GPA33: variants seen among roughly 807,000 people sequenced by gnomAD.
GPA33 encodes the protein glycoprotein A33.
In GPA33, 27 loss-of-function variants were observed where a neutral mutation model predicts 35.6. The observed-to-expected ratio is 0.76, with a 90% CI of 0.56 to 1.04. The LOEUF is 1.04. Ranked by LOEUF, GPA33 falls within the 50% of genes least tolerant of loss-of-function variation. The pLI is 0.00. For synonymous variants in GPA33, 176 were observed against 164.0 expected, an observed-to-expected ratio of 1.07 and a Z score of -0.56; for missense variants, 428 against 411.9, an observed-to-expected ratio of 1.04 and a Z score of -0.34.
chr1:167,082,736 G>A (rs570021258), intron 1 of GPA33, among the ~76,000 whole-genome samples: 17 of 152,308 alleles, frequency 1.1e-4, no homozygotes, highest in African/African-American at 3.6e-4. Context: ...ACAGATATAC[G>A]TTTTATGCTC....
intron 2 of GPA33, among the ~76,000 whole-genome samples, chr1:167,072,768 G>T (rs944480502): frequency 1.3e-5 from 2 of 152,042 alleles, no homozygotes; most frequent in African/African-American, 2.4e-5. Context: ...ATGCAAAACA[G>T]TATGTGTGTA....
intron 2 of GPA33, 32 bp downstream of exon 2, chr1:167,073,353 C>A (rs12139875): frequency 1.3e-6 from 2 of 1,591,158 alleles, no homozygotes; most frequent in East Asian, 4.5e-5. Context: ...ATAATCATTC[C>A]CATGTTGCCT....
At chr1:167,056,271 T>C (rs931327327) in intron 4 of GPA33, among the ~76,000 whole-genome samples, 2 of 152,212 alleles carry the variant, frequency 1.3e-5, no homozygotes, top group African/African-American at 4.8e-5. Context: ...ACATTATGTA[T>C]TACATGAAAA....
rs759768736 is a variant in GPA33 at position 167,073,429 on chromosome 1, G to A, written c.154C>T (p.Arg52Ter). ...PCTYHTSTSS[R>*]EGLIQWDKLL... ...TTATCCCATTGAATAAGTCCCTCTC[G>A]ACTGGAGGTGGAAGTGTGGTAGGTG... Residue 52 changes from arginine (R) to a stop codon, truncating the protein, a stop_gained, in exon 2 of 7, where the codon CGA becomes TGA. Transcript: ENST00000367868. LOFTEE classifies it high-confidence loss of function. 1.3e-5 allele frequency: 21 copies of A among 1,613,324 alleles called. No individual in the cohort carries two copies. Among genetic ancestry groups the A allele is most frequent in the African/African-American group, 5.3e-5 (4 of 74,790 alleles).
At chr1:167,082,664 C>G (rs1202486492) in intron 1 of GPA33, among the ~76,000 whole-genome samples, 1 of 152,202 alleles carries the variant, frequency 6.6e-6, no homozygotes, top group South Asian at 2.1e-4. Context: ...CAAGTGTCAC[C>G]TGTTCCCCAA....
chr1:167,084,289 T>C (rs1667011006), intron 1 of GPA33, among the ~76,000 whole-genome samples: 1 of 152,044 alleles, frequency 6.6e-6, no homozygotes, highest in Non-Finnish European at 1.5e-5. Context: ...AGAGGCAGTG[T>C]GGAGCATGAG....
intron 2 of GPA33, among the ~76,000 whole-genome samples, chr1:167,072,639 T>A (rs866067332): frequency 1.3e-5 from 2 of 152,188 alleles, no homozygotes; most frequent in South Asian, 2.1e-4. Flanking sequence ...ACATACCAAA[T>A]GTCCATTCAT....
chr1:167,056,732 A>AG (rs1666291967), intron 4 of GPA33, among the ~76,000 whole-genome samples: 1 of 6,028 alleles, frequency 1.7e-4, no homozygotes, highest in Non-Finnish European at 3.2e-4. Context: ...TGTGTGATGT[A>AG]TGTGGTGTGT....
chr1:167,063,395 G>A (rs112016536), intron 4 of GPA33, among the ~76,000 whole-genome samples, 187 bp downstream of exon 4: 18 of 152,318 alleles, frequency 1.2e-4, no homozygotes, highest in Middle Eastern at 3.4e-3. Context: ...GGGCCACCTG[G>A]CGAGACTCTG....
chr1:167,063,315 A>G (rs1666504842), intron 4 of GPA33, among the ~76,000 whole-genome samples: 2 of 152,206 alleles, frequency 1.3e-5, no homozygotes, highest in South Asian at 2.1e-4. Flanking sequence ...AGGCTGAGGC[A>G]GAAGAATCGC....
intron 1 of GPA33, among the ~76,000 whole-genome samples, chr1:167,088,707 G>T (rs188885859): frequency 1.2e-3 from 190 of 152,278 alleles, no homozygotes; most frequent in African/African-American, 4.4e-3. Flanking sequence ...TTTTAAGATC[G>T]TTTTTCTAAG....
chr1:167,054,181 C>T lies in GPA33; in HGVS notation c.*153G>A. 5 of 999,288 alleles carry T rather than the reference C, an allele frequency of 5.0e-6. No homozygotes were observed. The highest frequency in any genetic ancestry group is 7.4e-6 in the Non-Finnish European group (5 of 676,324). The allele number at this position is 999,288 out of a possible 1,614,324, so 61.9% of individuals were successfully genotyped here. A position where few individuals can be genotyped will look rare whatever the true frequency, so the allele number is the denominator to read the frequency against. On this transcript the variant is annotated 3_prime_UTR_variant, in exon 7 of 7. Coordinates refer to ENST00000367868, the MANE Select transcript of GPA33 (RefSeq NM_005814.3). ...ACAGGGACCCCCTTACCAGGCCAGC[C>T]ATGTTCCCCACAGCTGACACTGGGG...
intron 2 of GPA33, among the ~76,000 whole-genome samples, chr1:167,071,599 G>C (rs1014305971): frequency 6.6e-6 from 1 of 152,190 alleles, no homozygotes; most frequent in African/African-American, 2.4e-5. Flanking sequence ...ACAAGCGAGG[G>C]AGAAACAAGA....
Position 167,054,232 on chromosome 1 carries a change from G to T in GPA33, c.*102C>A. ...AAGAAATGTCCCCATCAATGTCTGG[G>T]ATGGAGGGACAGGAGAACAGGGCTT... On this transcript the variant is annotated 3_prime_UTR_variant, in exon 7 of 7. Transcript: ENST00000367868. 7.0e-7 allele frequency: 1 copy of T among 1,422,354 alleles called. No individual in the cohort carries two copies. Among genetic ancestry groups the T allele is most frequent in the Non-Finnish European group, 9.7e-7 (1 of 1,031,936 alleles). The allele number at this position is 1,422,354 out of a possible 1,614,324, so 88.1% of individuals were successfully genotyped here. A position where few individuals can be genotyped will look rare whatever the true frequency, so the allele number is the denominator to read the frequency against.
At position 167,084,412 on chromosome 1, in the gene GPA33, G is replaced by A. The variant is rs546557920; in HGVS notation, c.43+5833C>T. Reference sequence around the variant, plus strand: ...GGTGGGGGATAAAGAGATCAAGGGTGATGTGGCGGTTTTAAAATGTGGTCC... The same window carrying A: ...GGTGGGGGATAAAGAGATCAAGGGTAATGTGGCGGTTTTAAAATGTGGTCC... On this transcript the variant is annotated intron_variant, in intron 1 of 6. Transcript: ENST00000367868. Among the ~76,000 whole-genome samples, 5 of 152,344 alleles carry A rather than the reference G, an allele frequency of 3.3e-5. 1 individual carries two copies. Among genetic ancestry groups the A allele is most frequent in the African/African-American group, 1.2e-4 (5 of 41,578 alleles).
chr1:167,058,083 C>A (rs1666349227), intron 4 of GPA33, among the ~76,000 whole-genome samples: 1 of 152,146 alleles, frequency 6.6e-6, no homozygotes, highest in South Asian at 2.1e-4. Context: ...CCTCTAGTCC[C>A]AGGTACTTGG....
intron 4 of GPA33, among the ~76,000 whole-genome samples, chr1:167,061,354 C>A (rs1045657209): frequency 6.6e-6 from 1 of 152,164 alleles, no homozygotes; most frequent in African/African-American, 2.4e-5. Flanking sequence ...CAGACACTAC[C>A]AGTGTCCACA....
At chr1:167,066,687 G>C (rs10918612) in intron 3 of GPA33, among the ~76,000 whole-genome samples, 17,140 of 152,282 alleles carry the variant, frequency 0.11, 1,151 homozygotes, top group Middle Eastern at 0.14. Flanking sequence ...CTCCCCAGCA[G>C]AATGCAGATG....
chr1:167,063,035 C>G (rs148077052), intron 4 of GPA33, among the ~76,000 whole-genome samples: 2 of 152,338 alleles, frequency 1.3e-5, no homozygotes, highest in African/African-American at 4.8e-5. Flanking sequence ...GAATGAGGAA[C>G]AAAGAAAACA....
Sources: gnomAD v4.1 joint callset for allele counts (sites outside exome capture counted in the v4.1 genomes callset) on GRCh38, gnomAD v4.1.1 for gene constraint, MANE v1.5 for transcripts, NCBI Gene and HGNC (gene_info 2026-07-23, HGNC 2026-07-21) for gene names.